CFAP251: variants seen among roughly 807,000 people sequenced by gnomAD.
CFAP251 encodes cilia and flagella associated protein 251, also known as cilia- and flagella-associated protein 251.
Under a neutral mutation model 126.7 loss-of-function variants are expected in CFAP251, and 93 were observed. The observed-to-expected ratio is 0.73, with a 90% CI of 0.62 to 0.87. The LOEUF is 0.87. Ranked by LOEUF, CFAP251 falls within the 40% of genes least tolerant of loss-of-function variation. CFAP251 has a pLI of 0.00. For synonymous variants in CFAP251, 503 were observed against 506.9 expected (o/e 0.99, Z 0.10); for missense variants, 1,287 against 1,389.2 (o/e 0.93, Z 1.17).
intron 19 of CFAP251, among the ~76,000 whole-genome samples, chr12:121,987,553 A>G (rs1036664727): frequency 6.6e-6 from 1 of 151,922 alleles, no homozygotes; most frequent in Non-Finnish European, 1.5e-5. Context: ...TGTCTCTACT[A>G]AAAATACAAA....
Position 121,923,670 on chromosome 12 carries a change from G to A in CFAP251, c.427G>A (p.Ala143Thr). 1 of 1,614,042 alleles carries A rather than the reference G, an allele frequency of 6.2e-7. No homozygotes were observed. Among genetic ancestry groups the A allele is most frequent in the Non-Finnish European group, 8.5e-7 (1 of 1,180,006 alleles). Reference protein sequence around the residue: ...KSKLSLQLEDAETDELLRDLS... With the variant: ...KSKLSLQLEDTETDELLRDLS... ...AAAGCTTTCCTTACAATTGGAGGAT[G>A]CAGAAACAGATGAGCTTTTAAGAGA... The change falls in exon 3 of 22, where the codon GCA becomes ACA. Residue 143 changes from alanine (A) to threonine (T), a missense_variant. By Grantham distance (58) the Ala-to-Thr change is moderately conservative (BLOSUM62 0). Coordinates refer to ENST00000288912, the MANE Select transcript of CFAP251 (RefSeq NM_144668.6).
intron 17 of CFAP251, chr12:121,972,202 C>A (rs1302216779): frequency 1.3e-5 from 2 of 158,054 alleles, no homozygotes; most frequent in African/African-American, 4.8e-5. Context: ...GGGTAACAGG[C>A]AGAGGTTGGA....
chr12:121,990,464 A>G (rs1446308713), intron 19 of CFAP251, among the ~76,000 whole-genome samples: 1 of 152,080 alleles, frequency 6.6e-6, no homozygotes, highest in East Asian at 1.9e-4. Context: ...AATTGGGTGC[A>G]TGGGCTCGGG....
intron 19 of CFAP251, among the ~76,000 whole-genome samples, chr12:121,982,122 T>C (rs80232902): frequency 0.053 from 8,127 of 152,208 alleles, 253 homozygotes; most frequent in Middle Eastern, 0.071. Context: ...ATCTAAAAGT[T>C]TATATTTTCT....
intron 11 of CFAP251, among the ~76,000 whole-genome samples, 158 bp downstream of exon 11, chr12:121,957,426 C>T (rs563825969): frequency 1.2e-4 from 19 of 152,202 alleles, no homozygotes; most frequent in African/African-American, 4.3e-4. Context: ...AACATAAGGC[C>T]GGGCGTGGTG....
intron 5 of CFAP251, among the ~76,000 whole-genome samples, chr12:121,938,224 C>G (rs938177102): frequency 1.9e-4 from 29 of 151,380 alleles, no homozygotes; most frequent in Non-Finnish European, 1.5e-5. Flanking sequence ...CCAAGCTGGT[C>G]TCGAACTCCT....
chr12:121,938,718 C>T (rs1405933793), intron 5 of CFAP251, among the ~76,000 whole-genome samples: 2 of 150,810 alleles, frequency 1.3e-5, no homozygotes, highest in Non-Finnish European at 3.0e-5. Context: ...CATGGTGGCT[C>T]ATGCCTGTAA....
chr12:121,964,574 A>G (rs1466163591), intron 15 of CFAP251, among the ~76,000 whole-genome samples: 1 of 152,348 alleles, frequency 6.6e-6, no homozygotes, highest in Middle Eastern at 3.4e-3. Context: ...AATTTTTATC[A>G]AGGTGATACT....
At chr12:122,003,575 A>C (rs1883192766) in intron 21 of CFAP251, 77 bp from the exon 22 acceptor site, 2 of 1,191,786 alleles carry the variant, frequency 1.7e-6, no homozygotes, top group Admixed American at 4.0e-5. Flanking sequence ...CCTGTCTCAA[A>C]CCCCTCCCCT....
chr12:121,934,733 T>C (rs1051282999), intron 5 of CFAP251, among the ~76,000 whole-genome samples: 13 of 152,230 alleles, frequency 8.5e-5, no homozygotes, highest in African/African-American at 3.1e-4. Context: ...GTTTTAGGTA[T>C]AGTAATGATG....
chr12:121,991,942 G>T (rs760590027), intron 19 of CFAP251, among the ~76,000 whole-genome samples: 1 of 152,088 alleles, frequency 6.6e-6, no homozygotes, highest in African/African-American at 2.4e-5. Context: ...GCTGTGATCC[G>T]AGATCACGCC....
At chr12:121,993,765 G>A (rs1882942507) in intron 19 of CFAP251, among the ~76,000 whole-genome samples, 2 of 150,464 alleles carry the variant, frequency 1.3e-5, no homozygotes, top group African/African-American at 2.4e-5. Context: ...GAGCCCCTCT[G>A]CCCGGCCAGC....
At chr12:121,972,929 A>G (rs1019976605) in intron 17 of CFAP251, among the ~76,000 whole-genome samples, 1 of 152,202 alleles carries the variant, frequency 6.6e-6, no homozygotes, top group African/African-American at 2.4e-5. Flanking sequence ...AGAAAAACCC[A>G]TTTTCTGAGG....
chr12:121,995,003 CTGTT>C (rs1341217027), intron 19 of CFAP251, among the ~76,000 whole-genome samples: 3 of 152,144 alleles, frequency 2.0e-5, no homozygotes, highest in African/African-American at 7.2e-5. Context: ...TAATTACTGT[CTGTT>C]GAATGCTTGC....
chr12:121,971,760 T>C (rs1882334917), intron 17 of CFAP251: 2 of 609,914 alleles, frequency 3.3e-6, no homozygotes, highest in Admixed American at 2.5e-5. Context: ...CTTTGTGATA[T>C]GGTTTGGCTC....
At chr12:121,938,335 T>C (rs1466020015) in intron 5 of CFAP251, among the ~76,000 whole-genome samples, 1 of 151,928 alleles carries the variant, frequency 6.6e-6, no homozygotes, top group Admixed American at 6.6e-5. Flanking sequence ...GTTGTTGTTA[T>C]TTTTGAGACA....
intron 19 of CFAP251, among the ~76,000 whole-genome samples, chr12:121,986,911 C>T: frequency 6.6e-6 from 1 of 152,038 alleles, no homozygotes; most frequent in East Asian, 1.9e-4. Flanking sequence ...TATTTAAGTT[C>T]TCCTAACTAT....
At chr12:121,976,210 T>C (rs1882455326) in intron 19 of CFAP251, among the ~76,000 whole-genome samples, 1 of 152,010 alleles carries the variant, frequency 6.6e-6, no homozygotes, top group African/African-American at 2.4e-5. Context: ...GGCTTCACGA[T>C]GTTGGTCAGA....
Position 121,942,659 on chromosome 12 carries a change from C to A in CFAP251, c.1110+14C>A, listed in dbSNP as rs367632454. The A allele has an allele frequency of 3.0e-4, 487 of 1,602,094 alleles. No homozygotes were observed. The highest frequency in any genetic ancestry group is 3.8e-4 in the Non-Finnish European group (445 of 1,173,508). On this transcript the variant is annotated intron_variant, in intron 6 of 21. Transcript: ENST00000288912. ...GCTGAAGTCCAGGTAAAGGCCCTGGCCCTTTGGGTCAGCATCAGCGAGCTG... is the reference window on the plus strand; with the variant it reads ...GCTGAAGTCCAGGTAAAGGCCCTGGACCTTTGGGTCAGCATCAGCGAGCTG...
Sources: allele counts gnomAD v4.1 joint callset (sites outside exome capture counted in the v4.1 genomes callset), GRCh38; gene constraint gnomAD v4.1.1; transcripts MANE v1.5; gene names NCBI Gene and HGNC (gene_info 2026-07-23, HGNC 2026-07-21).